Variants in PPP6R3 observed in about 807,000 individuals in gnomAD.
PPP6R3 encodes protein phosphatase 6 regulatory subunit 3.
In PPP6R3, 38 loss-of-function variants were observed where a neutral mutation model predicts 110.7. The ratio of observed to expected loss-of-function variants is 0.34; its 90% CI spans 0.26 to 0.45. The LOEUF (loss-of-function observed/expected upper bound fraction) is 0.45. Among genes scored for constraint, PPP6R3 ranks in the 20% least tolerant of loss-of-function variants. PPP6R3 has a pLI of 1.00. For synonymous variants in PPP6R3, 369 were observed against 373.5 expected (o/e 0.99, Z 0.14); for missense variants, 870 against 1,062.4 (o/e 0.82, Z 2.52).
In PPP6R3 at chr11:68,610,015, C is replaced by A. The variant is rs148447188; in HGVS notation, c.2562C>A (p.Pro854=). ...CGCCCAGGCCTCCCAGCAGCAGTCC[C>A]GAGCAGAGGTAACCACCCGCCTCCT... ...CAAPRPPSSS[P]EQRTGQPSAP... Residue 854 remains proline (P), a synonymous_variant, in exon 23 of 24, where the codon CCC becomes CCA. Coordinates refer to ENST00000393800, the MANE Select transcript of PPP6R3 (RefSeq NM_001164161.2). The A allele has an allele frequency of 1.2e-6, 2 of 1,613,790 alleles. No individual in the cohort carries two copies. Among genetic ancestry groups the A allele is most frequent in the East Asian group, 4.5e-5 (2 of 44,886 alleles).
intron 9 of PPP6R3, among the ~76,000 whole-genome samples, chr11:68,566,648 A>G (rs939013876): frequency 5.9e-5 from 9 of 152,206 alleles, no homozygotes; most frequent in Non-Finnish European, 1.2e-4. Flanking sequence ...GGCATGAGCT[A>G]CTGTGCCCGG....
At chr11:68,468,903 T>G (rs2098768602) in intron 1 of PPP6R3, among the ~76,000 whole-genome samples, 1 of 152,260 alleles carries the variant, frequency 6.6e-6, no homozygotes, top group Non-Finnish European at 1.5e-5. Flanking sequence ...AGGGTAACTT[T>G]GCTGTGGAGT....
rs554904390 is a variant in PPP6R3, at chr11:68,610,102, A to G, written c.2570+79A>G. The stretch of plus-strand genomic sequence containing the variant: ...GCTTCCTGGGAGTTGGGAGGGGACT[A>G]TAGGGATCGTTTACAGCTGTGCTCA... On this transcript the variant is annotated intron_variant, in intron 23 of 23. Coordinates refer to ENST00000393800, the MANE Select transcript of PPP6R3 (RefSeq NM_001164161.2). 160 of 1,560,392 alleles carry G rather than the reference A, an allele frequency of 1.0e-4. No homozygotes were observed. In the African/African-American group the frequency reaches 1.8e-3, roughly 17 times the overall value.
chr11:68,488,035 GACACTGTTATTAGGCAAAT>G (rs1320472929), intron 1 of PPP6R3, among the ~76,000 whole-genome samples: 1 of 152,088 alleles, frequency 6.6e-6, no homozygotes, highest in Non-Finnish European at 1.5e-5. Flanking sequence ...CATGTATTTT[GACACTGTTATTAGGCAAAT>G]ACACATTAAG....
In PPP6R3 at chr11:68,602,819, G is replaced by A. The variant is rs144073891; in HGVS notation, c.2300-523G>A. Among the ~76,000 whole-genome samples, 278 of 152,318 alleles carry A rather than the reference G, an allele frequency of 1.8e-3. 1 individual carries two copies. Among genetic ancestry groups the A allele is most frequent in the African/African-American group, 6.6e-3 (274 of 41,580 alleles). On this transcript the variant is annotated intron_variant, in intron 21 of 23. Transcript: ENST00000393800. ...AGGTTCCTTGTCCAAGTAGTCTACA[G>A]CTAGGAAGTGGTGATGTCGATGTTT...
chr11:68,504,750 C>CA (rs1331669759), intron 1 of PPP6R3, among the ~76,000 whole-genome samples: 1 of 152,158 alleles, frequency 6.6e-6, no homozygotes, highest in African/African-American at 2.4e-5. Context: ...AAGAACAGTC[C>CA]AAACCTTTGT....
At chr11:68,516,074 TTC>T (rs2099135075) in intron 1 of PPP6R3, among the ~76,000 whole-genome samples, 1 of 152,222 alleles carries the variant, frequency 6.6e-6, no homozygotes. Flanking sequence ...TCTGCCTTTA[TTC>T]AAAATACATT....
intron 1 of PPP6R3, among the ~76,000 whole-genome samples, chr11:68,506,610 T>C (rs1034552251): frequency 2.6e-5 from 4 of 152,130 alleles, no homozygotes; most frequent in South Asian, 2.1e-4. Flanking sequence ...TTTGTGATTT[T>C]GAAATGCACA....
Position 68,497,070 on chromosome 11 carries a change from G to A in PPP6R3, c.-157-22431G>A, listed in dbSNP as rs200698565. On this transcript the variant is annotated intron_variant, in intron 1 of 23. Transcript: ENST00000393800. Reference sequence around the variant, plus strand: ...TTTGTTTTGTTTTGTTTTTTGAGACGGAGTCTCGCTCTTTCACCCAGGCGG... The same window carrying A: ...TTTGTTTTGTTTTGTTTTTTGAGACAGAGTCTCGCTCTTTCACCCAGGCGG... 2.1e-4 allele frequency among the ~76,000 whole-genome samples: 29 copies of A among 136,342 alleles called. No homozygotes were observed. In the East Asian group the frequency reaches 2.8e-3, roughly 13 times the overall value. 89.4% of individuals were successfully genotyped at this position (136,342 alleles called of 152,430 possible). A position where few individuals can be genotyped will look rare whatever the true frequency, so the allele number is the denominator to read the frequency against.
chr11:68,530,322 G>T (rs1412173296), intron 2 of PPP6R3, among the ~76,000 whole-genome samples: 2 of 152,156 alleles, frequency 1.3e-5, no homozygotes, highest in Non-Finnish European at 2.9e-5. Flanking sequence ...GTGCTTGCAT[G>T]TCTTTGTATA....
At chr11:68,555,826 C>T (rs1479376185) in intron 7 of PPP6R3, among the ~76,000 whole-genome samples, 1 of 152,132 alleles carries the variant, frequency 6.6e-6, no homozygotes, top group East Asian at 1.9e-4. Context: ...GCCCTGTTGC[C>T]AAGTAAAACC....
At chr11:68,534,654 C>CT (rs1308603070) in intron 2 of PPP6R3, among the ~76,000 whole-genome samples, 1 of 152,130 alleles carries the variant, frequency 6.6e-6, no homozygotes, top group African/African-American at 2.4e-5. Flanking sequence ...TTATTATTAG[C>CT]TAAAAATAAG....
intron 1 of PPP6R3, among the ~76,000 whole-genome samples, chr11:68,512,374 C>A (rs949332600): frequency 1.3e-5 from 2 of 152,134 alleles, no homozygotes; most frequent in Non-Finnish European, 2.9e-5. Flanking sequence ...TCTGGAGCAC[C>A]ATAATCCCAA....
intron 2 of PPP6R3, among the ~76,000 whole-genome samples, chr11:68,532,050 C>G (rs1480173790): frequency 6.6e-6 from 1 of 152,178 alleles, no homozygotes; most frequent in Non-Finnish European, 1.5e-5. Context: ...CTTGTTCTAC[C>G]TCTTATAAAT....
At chr11:68,463,478 C>A (rs2098723111) in intron 1 of PPP6R3, among the ~76,000 whole-genome samples, 1 of 151,590 alleles carries the variant, frequency 6.6e-6, no homozygotes, top group South Asian at 2.1e-4. Flanking sequence ...ATGACAACTT[C>A]CATTGTCTAG....
chr11:68,489,768 C>A (rs772479667), intron 1 of PPP6R3, among the ~76,000 whole-genome samples: 8 of 151,414 alleles, frequency 5.3e-5, no homozygotes, highest in Non-Finnish European at 7.4e-5. Context: ...ATAATGTTTG[C>A]ATATGGGAAA....
At chr11:68,477,741 A>AAAAAAAAAAAAAAATATAT in intron 1 of PPP6R3, among the ~76,000 whole-genome samples, 1 of 57,894 alleles carries the variant, frequency 1.7e-5, no homozygotes, top group African/African-American at 7.1e-5. Flanking sequence ...AAAAAAAAAA[A>AAAAAAAAAAAAAAATATAT]ATATATATAT....
At chr11:68,609,428 C>G in intron 22 of PPP6R3, 1 of 764,758 alleles carries the variant, frequency 1.3e-6, no homozygotes, top group South Asian at 1.5e-5. Flanking sequence ...TGGGCTTGGC[C>G]CCAAAAGCAA....
At chr11:68,568,941 T>C (rs999923184) in intron 10 of PPP6R3, among the ~76,000 whole-genome samples, 1 of 152,130 alleles carries the variant, frequency 6.6e-6, no homozygotes, top group Non-Finnish European at 1.5e-5. Flanking sequence ...TTTTTTTGTA[T>C]TTTTAGTAGA....
Sources: gnomAD v4.1 joint callset for allele counts (sites outside exome capture counted in the v4.1 genomes callset) on GRCh38, gnomAD v4.1.1 for gene constraint, MANE v1.5 for transcripts, NCBI Gene and HGNC (gene_info 2026-07-23, HGNC 2026-07-21) for gene names.